Variants in PRKD1 observed in about 807,000 individuals in gnomAD.
The protein encoded by PRKD1 is protein kinase D1.
A neutral mutation model predicts 95.9 loss-of-function variants in PRKD1; 63 were observed. The ratio of observed to expected loss-of-function variants is 0.66; its 90% CI spans 0.54 to 0.81. The LOEUF is 0.81. PRKD1 is among the 30% of genes least tolerant of loss of function. The pLI is 0.00. For missense variants in PRKD1, 1,048 were observed against 1,165.3 expected (o/e 0.90, Z 1.47); for synonymous variants, 425 against 423.1 (o/e 1.00, Z -0.05).
At chr14:29,753,791 A>G (rs11851845) in intron 1 of PRKD1, among the ~76,000 whole-genome samples, 34,426 of 151,880 alleles carry the variant, frequency 0.23, 4,135 homozygotes, top group African/African-American at 0.28. Context: ...TCTACCTGCT[A>G]TATCATATGC....
intron 1 of PRKD1, among the ~76,000 whole-genome samples, chr14:29,821,476 T>G (rs1890908914): frequency 6.6e-6 from 1 of 152,200 alleles, no homozygotes. Context: ...TTTTCTGTTC[T>G]ATCTGAATAA....
intron 11 of PRKD1, among the ~76,000 whole-genome samples, chr14:29,628,022 C>T (rs904241130): frequency 2.0e-5 from 3 of 152,104 alleles, no homozygotes; most frequent in African/African-American, 7.2e-5. Flanking sequence ...CAGGAATTTC[C>T]CAAGAGGCTT....
At chr14:29,891,622 T>A (rs1223433161) in intron 1 of PRKD1, among the ~76,000 whole-genome samples, 1 of 151,950 alleles carries the variant, frequency 6.6e-6, no homozygotes, top group African/African-American at 2.4e-5. Flanking sequence ...GGGTCTCTCA[T>A]AATCCACCTT....
chr14:29,589,417 A>G (rs535208364), intron 16 of PRKD1, among the ~76,000 whole-genome samples: 146 of 152,328 alleles, frequency 9.6e-4, no homozygotes, highest in Admixed American at 2.9e-3. Flanking sequence ...GTAGAGAAGA[A>G]TCATTTACTA....
intron 1 of PRKD1, among the ~76,000 whole-genome samples, chr14:29,901,933 C>A (rs1398559080): frequency 6.6e-6 from 1 of 152,144 alleles, no homozygotes. Context: ...GACTTTGTAC[C>A]TCCAAAGCTT....
At chr14:29,786,410 A>C (rs1373383981) in intron 1 of PRKD1, among the ~76,000 whole-genome samples, 1 of 152,100 alleles carries the variant, frequency 6.6e-6, no homozygotes, top group Non-Finnish European at 1.5e-5. Context: ...GTTTGAGAAG[A>C]GTTGGTGTTA....
At chr14:29,835,362 A>T (rs1891571826) in intron 1 of PRKD1, among the ~76,000 whole-genome samples, 1 of 152,146 alleles carries the variant, frequency 6.6e-6, no homozygotes, top group South Asian at 2.1e-4. Context: ...CTCATGGGGT[A>T]AAAACTTGTA....
At chr14:29,833,981 T>C (rs1372186592) in intron 1 of PRKD1, among the ~76,000 whole-genome samples, 1 of 152,086 alleles carries the variant, frequency 6.6e-6, no homozygotes, top group Non-Finnish European at 1.5e-5. Context: ...CACAGCTCAC[T>C]TCCTAAAGAA....
chr14:29,848,535 T>G (rs1252705338), intron 1 of PRKD1, among the ~76,000 whole-genome samples: 1 of 151,706 alleles, frequency 6.6e-6, no homozygotes, highest in African/African-American at 2.4e-5. Context: ...GGTTGATCCT[T>G]GGCACAGAGA....
intron 1 of PRKD1, among the ~76,000 whole-genome samples, chr14:29,844,520 C>G (rs1892001363): frequency 6.6e-6 from 1 of 151,914 alleles, no homozygotes; most frequent in African/African-American, 2.4e-5. Flanking sequence ...AAACAATGAG[C>G]ACATACGATG....
chr14:29,624,258 CCTTT>C lies in PRKD1; in HGVS notation c.1799-4_1799-1del, dbSNP rs1325042614. 2 of 1,589,156 alleles carry C rather than the reference CCTTT, an allele frequency of 1.3e-6. No homozygotes were observed. The highest frequency in any genetic ancestry group is 1.2e-5 in the South Asian group (1 of 86,544). ...ATCTCTTCCTGTTTTACGATGTTTT[CCTTT>C]AAAATGAAAAAGGGAAGCATTAGTA... On this transcript the variant is annotated splice_acceptor_variant and splice_polypyrimidine_tract_variant and intron_variant, in intron 12 of 17. Transcript: ENST00000331968. LOFTEE classifies it high-confidence loss of function.
intron 1 of PRKD1, among the ~76,000 whole-genome samples, chr14:29,851,952 C>T (rs181510107): frequency 1.3e-5 from 2 of 152,256 alleles, no homozygotes; most frequent in Admixed American, 1.3e-4. Flanking sequence ...GAGTTGGAAG[C>T]CATTATCCTA....
At chr14:29,760,968 T>A (rs1288028929) in intron 1 of PRKD1, among the ~76,000 whole-genome samples, 2 of 152,056 alleles carry the variant, frequency 1.3e-5, no homozygotes, top group East Asian at 3.9e-4. Flanking sequence ...TTAGAGACAG[T>A]TTCTTGCTCT....
intron 15 of PRKD1, among the ~76,000 whole-genome samples, chr14:29,598,377 A>C (rs1160190176): frequency 6.6e-6 from 1 of 152,170 alleles, no homozygotes; most frequent in Non-Finnish European, 1.5e-5. Context: ...CGAGAGACAA[A>C]TATGAAGACA....
At chr14:29,606,875 T>C (rs1461855308) in intron 13 of PRKD1, among the ~76,000 whole-genome samples, 1 of 152,246 alleles carries the variant, frequency 6.6e-6, no homozygotes, top group Non-Finnish European at 1.5e-5. Flanking sequence ...CCTGGAAACC[T>C]GGAGCTTAAT....
chr14:29,607,027 T>C (rs776688652), intron 13 of PRKD1, among the ~76,000 whole-genome samples: 8 of 152,192 alleles, frequency 5.3e-5, no homozygotes, highest in Non-Finnish European at 1.0e-4. Context: ...TAGTAATGTG[T>C]CAACTCATAA....
chr14:29,886,021 T>A (rs1175577869), intron 1 of PRKD1, among the ~76,000 whole-genome samples: 1 of 151,988 alleles, frequency 6.6e-6, no homozygotes, highest in African/African-American at 2.4e-5. Flanking sequence ...GGTTGCAATA[T>A]ATTTATAGAA....
intron 1 of PRKD1, among the ~76,000 whole-genome samples, chr14:29,835,346 T>C (rs1435970359): frequency 1.3e-5 from 2 of 152,184 alleles, no homozygotes; most frequent in African/African-American, 4.8e-5. Context: ...GTTCAACTTT[T>C]GCTTTCTCAT....
chr14:29,634,824 G>A lies in PRKD1; in HGVS notation c.1191-283C>T, dbSNP rs922422513. 3.3e-5 allele frequency among the ~76,000 whole-genome samples: 5 copies of A among 152,104 alleles called. No homozygotes were observed. The South Asian group carries it at 6.2e-4, about 19-fold the overall frequency. On this transcript the variant is annotated intron_variant, in intron 7 of 17. Transcript: ENST00000331968. ...CGAGGCGGGTGGATCACGAGGTCAG[G>A]AGTTCAAGACCAGCCTGGCCAAGAT...
Sources: gnomAD v4.1 joint callset for allele counts (sites outside exome capture counted in the v4.1 genomes callset) on GRCh38, gnomAD v4.1.1 for gene constraint, MANE v1.5 for transcripts, NCBI Gene and HGNC (gene_info 2026-07-23, HGNC 2026-07-21) for gene names.